The following TOP1 variants were observed in gnomAD, a reference collection of about 807,000 sequenced individuals.
TOP1 encodes the protein DNA topoisomerase 1.
TOP1 carries 10 observed loss-of-function variants against 111.1 expected under a neutral mutation model. The ratio of observed to expected loss-of-function variants is 0.09; its 90% CI spans 0.06 to 0.15. TOP1 has a LOEUF of 0.15. Among genes scored for constraint, TOP1 ranks in the 10% least tolerant of loss-of-function variants. The pLI, the probability that TOP1 is intolerant of heterozygous loss-of-function variation, is 1.00. For synonymous variants in TOP1, 271 were observed against 302.9 expected (o/e 0.89, Z 1.10); for missense variants, 474 against 926.7 (o/e 0.51, Z 6.34).
chr20:41,107,837 A>G (rs1176782532), intron 13 of TOP1, among the ~76,000 whole-genome samples: 1 of 151,772 alleles, frequency 6.6e-6, no homozygotes, highest in Non-Finnish European at 1.5e-5. Flanking sequence ...TCTGTTCATT[A>G]CTTTTTGTCT....
rs1420586315 is a variant in TOP1 at position 41,082,690 on chromosome 20, G to T, written c.507+1450G>T. On this transcript the variant is annotated intron_variant, in intron 7 of 20. Transcript: ENST00000361337. This position sits in a 1 kb window ranked among gnomAD's most constrained non-coding sequence, Gnocchi z 4.1. ...TTTTTTTGACAACTAGTCTATTCTT[G>T]GCCGAAGTTCAAATTAATAAGCACT... Among the ~76,000 whole-genome samples, 2 of 152,142 alleles carry T rather than the reference G, an allele frequency of 1.3e-5. No individual in the cohort carries two copies. Among genetic ancestry groups the T allele is most frequent in the Non-Finnish European group, 2.9e-5 (2 of 68,024 alleles).
At position 41,061,107 on chromosome 20, in the gene TOP1, A is replaced by G. The variant is rs1221535485; in HGVS notation, c.59-287A>G. Reference sequence around the variant, plus strand: ...TCATTTATAGGTCAGGCTTAATAGTATTATGTCTAGGGAGAAAAACGCCAA... The same window carrying G: ...TCATTTATAGGTCAGGCTTAATAGTGTTATGTCTAGGGAGAAAAACGCCAA... On this transcript the variant is annotated intron_variant, in intron 2 of 20. Coordinates refer to ENST00000361337, the MANE Select transcript of TOP1 (RefSeq NM_003286.4). This position sits in a 1 kb window ranked among gnomAD's most constrained non-coding sequence, Gnocchi z 4.6. Among the ~76,000 whole-genome samples the G allele has an allele frequency of 6.6e-6, 1 of 152,212 alleles. No individual in the cohort carries two copies. The highest frequency in any genetic ancestry group is 1.5e-5 in the Non-Finnish European group (1 of 68,026).
In TOP1 at chr20:41,116,114, G is replaced by A. The variant is rs903701765; in HGVS notation, c.1708-164G>A. 1.3e-4 allele frequency among the ~76,000 whole-genome samples: 20 copies of A among 152,120 alleles called. No homozygotes were observed. The highest frequency in any genetic ancestry group is 4.8e-4 in the African/African-American group (20 of 41,410). ...GAAATACTTCATAGAGAGGCATCAT[G>A]TAACCCTGTATTCTGGAATTCTTTT... On this transcript the variant is annotated intron_variant, in intron 16 of 20. Transcript: ENST00000361337. The surrounding 1 kb of genome is among the most constrained non-coding windows in gnomAD (Gnocchi z 5.6).
chr20:41,056,323 C>T (rs1456701204), intron 2 of TOP1, among the ~76,000 whole-genome samples: 1 of 152,062 alleles, frequency 6.6e-6, no homozygotes, highest in South Asian at 2.1e-4. Context: ...ATTTGCCTCC[C>T]TATCATTTCT....
rs943313464 is a variant in TOP1 at position 41,103,536 on chromosome 20, G to A, written c.1308+2183G>A. On this transcript the variant is annotated intron_variant, in intron 13 of 20. Transcript: ENST00000361337. The stretch of plus-strand genomic sequence containing the variant: ...TCAGTAAATATGAACTGTTATAAAT[G>A]CTGCAAAGGAAAAAGTACAGGGTGC... Among the ~76,000 whole-genome samples the A allele has an allele frequency of 2.0e-5, 3 of 152,244 alleles. No individual in the cohort carries two copies. In the East Asian group the frequency reaches 5.8e-4, roughly 30 times the overall value.
At chr20:41,076,353 A>G in intron 4 of TOP1, 59 bp downstream of exon 4, 3 of 1,551,626 alleles carry the variant, frequency 1.9e-6, no homozygotes, top group Non-Finnish European at 2.6e-6. Context: ...TTACCTTTGA[A>G]AGCAGATATC....
rs1018529950 is a variant in TOP1, at chr20:41,029,024, C to G, written c.-44C>G. On this transcript the variant is annotated 5_prime_UTR_variant, in exon 1 of 21. Coordinates refer to ENST00000361337, the MANE Select transcript of TOP1 (RefSeq NM_003286.4). This position sits in a 1 kb window ranked among gnomAD's most constrained non-coding sequence, Gnocchi z 6.1. Reference sequence around the variant, plus strand: ...GGCCGGTTCGCCGTCTGCGTCTCCCCCACGCCGCCTCGCCTGCCGCCGCGC... The same window carrying G: ...GGCCGGTTCGCCGTCTGCGTCTCCCGCACGCCGCCTCGCCTGCCGCCGCGC... The G allele has an allele frequency of 6.5e-7, 1 of 1,532,148 alleles. No individual in the cohort carries two copies. The highest frequency in any genetic ancestry group is 8.8e-7 in the Non-Finnish European group (1 of 1,141,982). 94.9% of individuals were successfully genotyped at this position (1,532,148 alleles called of 1,614,324 possible).
Position 41,078,230 on chromosome 20 carries a change from C to T in TOP1, c.335+593C>T, listed in dbSNP as rs2033751463. 6.6e-6 allele frequency among the ~76,000 whole-genome samples: 1 copy of T among 152,020 alleles called. No homozygotes were observed. Among genetic ancestry groups the T allele is most frequent in the Non-Finnish European group, 1.5e-5 (1 of 67,998 alleles). ...ATGCGCAAAATCTAGAGGTTACTTCCTATACTGTTTTTACCTTTATAATTT... is the reference window on the plus strand; with the variant it reads ...ATGCGCAAAATCTAGAGGTTACTTCTTATACTGTTTTTACCTTTATAATTT... On this transcript the variant is annotated intron_variant, in intron 5 of 20. Transcript: ENST00000361337. The surrounding 1 kb of genome is among the most constrained non-coding windows in gnomAD (Gnocchi z 5.3).
chr20:41,035,608 A>C (rs2033175584), intron 2 of TOP1, among the ~76,000 whole-genome samples: 1 of 152,294 alleles, frequency 6.6e-6, no homozygotes, highest in South Asian at 2.1e-4. Context: ...AAACCGACCC[A>C]GCCAGCTTGT....
At chr20:41,120,166 T>C (rs2034399123) in intron 18 of TOP1, among the ~76,000 whole-genome samples, 2 of 152,248 alleles carry the variant, frequency 1.3e-5, no homozygotes, top group Admixed American at 1.3e-4. Context: ...CAGAAATGGT[T>C]AAAAGATCAT....
chr20:41,105,781 C>T (rs1240655352), intron 13 of TOP1, among the ~76,000 whole-genome samples: 1 of 152,202 alleles, frequency 6.6e-6, no homozygotes, highest in Non-Finnish European at 1.5e-5. Context: ...AGGTGTTAGC[C>T]ACCATACCCT....
intron 2 of TOP1, among the ~76,000 whole-genome samples, chr20:41,054,389 T>C (rs2033443689): frequency 6.6e-6 from 1 of 152,194 alleles, no homozygotes; most frequent in Non-Finnish European, 1.5e-5. Flanking sequence ...TCCACCATGA[T>C]TGTAAGTTTC....
chr20:41,040,051 T>C (rs918916848), intron 2 of TOP1, among the ~76,000 whole-genome samples: 1 of 152,270 alleles, frequency 6.6e-6, no homozygotes, highest in Non-Finnish European at 1.5e-5. Context: ...ACTGAATTGA[T>C]TGAAATAAAG....
intron 2 of TOP1, among the ~76,000 whole-genome samples, chr20:41,042,386 T>C (rs986944145): frequency 3.9e-5 from 6 of 152,260 alleles, no homozygotes; most frequent in Non-Finnish European, 7.3e-5. Context: ...TAATCCTTTC[T>C]CCTACTTCAG....
chr20:41,100,104 A>G lies in TOP1; in HGVS notation c.1024A>G (p.Ile342Val). ...EKLLKEYGFC[I>V]MDNHKERIAN... ...ATTACTGAAAGAATATGGATTCTGT[A>G]TTATGGATAACCACAAAGAGAGGAT... The change falls in exon 12 of 21, where the codon ATT (isoleucine) becomes GTT (valine). Residue 342 changes from isoleucine (I) to valine (V), a missense_variant. This residue lies in a region of TOP1 where 14 missense variants were observed against 66.1 expected (regional missense o/e 0.21). Transcript: ENST00000361337. This position sits in a 1 kb window ranked among gnomAD's most constrained non-coding sequence, Gnocchi z 4.4. 6.2e-7 allele frequency: 1 copy of G among 1,613,940 alleles called. No individual in the cohort carries two copies. The highest frequency in any genetic ancestry group is 8.5e-7 in the Non-Finnish European group (1 of 1,179,832).
Position 41,058,734 on chromosome 20 carries a change from C to T in TOP1, c.59-2660C>T, listed in dbSNP as rs1022140602. The stretch of plus-strand genomic sequence containing the variant: ...GAATTAGGCTATACCTCTTGAAAAG[C>T]GGAGTAACAAACAATCTTATAGTCA... On this transcript the variant is annotated intron_variant, in intron 2 of 20. Transcript: ENST00000361337. This position sits in a 1 kb window ranked among gnomAD's most constrained non-coding sequence, Gnocchi z 4.2. Among the ~76,000 whole-genome samples, 1 of 152,014 alleles carries T rather than the reference C, an allele frequency of 6.6e-6. No individual in the cohort carries two copies. The highest frequency in any genetic ancestry group is 1.5e-5 in the Non-Finnish European group (1 of 68,000).
In TOP1 at chr20:41,101,029, A is replaced by G; in HGVS notation, c.1164-180A>G. Reference sequence around the variant, plus strand: ...TTATTTCTGGAATTTTGTATTGAATATTTTCGGATGACAGTTGGCTGAGGG... The same window carrying G: ...TTATTTCTGGAATTTTGTATTGAATGTTTTCGGATGACAGTTGGCTGAGGG... On this transcript the variant is annotated intron_variant, in intron 12 of 20. Transcript: ENST00000361337. This position sits in a 1 kb window ranked among gnomAD's most constrained non-coding sequence, Gnocchi z 4.1. 1.7e-6 allele frequency: 1 copy of G among 595,420 alleles called. No homozygotes were observed. Among genetic ancestry groups the G allele is most frequent in the Non-Finnish European group, 3.0e-6 (1 of 337,102 alleles). The allele number at this position is 595,420 out of a possible 1,614,324, so 36.9% of individuals were successfully genotyped here.
chr20:41,113,135 T>C (rs1396881886), intron 14 of TOP1, among the ~76,000 whole-genome samples: 1 of 152,240 alleles, frequency 6.6e-6, no homozygotes, highest in African/African-American at 2.4e-5. Context: ...TTCATTCCTT[T>C]AGAAAGTTGG....
chr20:41,056,454 A>C (rs2033472347), intron 2 of TOP1, among the ~76,000 whole-genome samples: 1 of 152,168 alleles, frequency 6.6e-6, no homozygotes, highest in Admixed American at 6.5e-5. Context: ...ACTTTTTGAC[A>C]CACCTTTCAC....
Sources: gnomAD v4.1 joint callset for allele counts (sites outside exome capture counted in the v4.1 genomes callset) on GRCh38, gnomAD v4.1.1 for gene constraint, gnomAD v4.1.1 regional missense constraint, Gnocchi (gnomAD v3.1) non-coding constraint, MANE v1.5 for transcripts, NCBI Gene and HGNC (gene_info 2026-07-23, HGNC 2026-07-21) for gene names.